The following ATG10 variants were observed in gnomAD, a reference collection of about 807,000 sequenced individuals.
The protein encoded by ATG10 is autophagy related 10.
Under a neutral mutation model 32.1 loss-of-function variants are expected in ATG10, and 30 were observed. The ratio of observed to expected loss-of-function variants is 0.94; its 90% CI spans 0.70 to 1.27. The LOEUF (loss-of-function observed/expected upper bound fraction) is 1.27. Ranked by LOEUF, ATG10 falls within the 50% of genes most tolerant of loss-of-function variation. The pLI is 0.00. For missense variants in ATG10, 233 were observed against 262.3 expected, an observed-to-expected ratio of 0.89 and a Z score of 0.77; for synonymous variants, 87 against 91.5, an observed-to-expected ratio of 0.95 and a Z score of 0.28.
At chr5:82,183,556 G>T (rs1025449263) in intron 5 of ATG10, among the ~76,000 whole-genome samples, 1 of 152,060 alleles carries the variant, frequency 6.6e-6, no homozygotes, top group South Asian at 2.1e-4. Context: ...GGGACATTAT[G>T]TCTGGTTATC....
intron 2 of ATG10, among the ~76,000 whole-genome samples, chr5:82,055,095 G>A (rs1011221468): frequency 2.6e-5 from 4 of 152,104 alleles, no homozygotes; most frequent in African/African-American, 9.7e-5. Context: ...TCCTTCAACA[G>A]TGAAGCACAA....
chr5:82,102,626 A>G (rs1240293159), intron 3 of ATG10, among the ~76,000 whole-genome samples: 2 of 152,216 alleles, frequency 1.3e-5, no homozygotes, highest in Non-Finnish European at 2.9e-5. Context: ...AACACTGTTG[A>G]GTTGGGCTCT....
chr5:82,136,434 C>A (rs1766753643), intron 3 of ATG10, among the ~76,000 whole-genome samples: 1 of 152,190 alleles, frequency 6.6e-6, no homozygotes, highest in Non-Finnish European at 1.5e-5. Flanking sequence ...GTGACAAAAT[C>A]TCTCAGCATT....
chr5:82,168,885 G>T (rs1439314060), intron 4 of ATG10, among the ~76,000 whole-genome samples: 2 of 152,132 alleles, frequency 1.3e-5, no homozygotes, highest in Admixed American at 6.6e-5. Flanking sequence ...GAGAATGACA[G>T]CAAAACAGGA....
intron 2 of ATG10, among the ~76,000 whole-genome samples, chr5:82,031,387 A>G (rs1237402373): frequency 1.3e-5 from 2 of 152,324 alleles, no homozygotes; most frequent in East Asian, 1.9e-4. Flanking sequence ...CACATAGGTT[A>G]TCAAGACCTT....
chr5:82,159,734 A>T (rs557715533), intron 3 of ATG10, among the ~76,000 whole-genome samples: 1 of 151,662 alleles, frequency 6.6e-6, no homozygotes, highest in African/African-American at 2.4e-5. Flanking sequence ...CAGACATTAG[A>T]CTCTCTTTAT....
Position 82,255,435 on chromosome 5 carries a change from G to A in ATG10, c.*1372G>A, listed in dbSNP as rs1747428414. ...CTTGTTTTGTTTTTTGCTTTCATTT[G>A]CTAGGAGCTGAAACGAAGATTAAAA... On this transcript the variant is annotated 3_prime_UTR_variant, in exon 8 of 8. Coordinates refer to ENST00000282185, the MANE Select transcript of ATG10 (RefSeq NM_031482.5). 6.6e-6 allele frequency: 1 copy of A among 151,572 alleles called. No individual in the cohort carries two copies. Among genetic ancestry groups the A allele is most frequent in the Non-Finnish European group, 1.5e-5 (1 of 67,940 alleles). 9.4% of individuals were successfully genotyped at this position (151,572 alleles called of 1,614,324 possible).
chr5:82,118,688 T>A (rs1011670606), intron 3 of ATG10, among the ~76,000 whole-genome samples: 3 of 151,932 alleles, frequency 2.0e-5, no homozygotes, highest in African/African-American at 7.3e-5. Flanking sequence ...AAAACAGTGA[T>A]CTTGTTTGGA....
intron 5 of ATG10, among the ~76,000 whole-genome samples, chr5:82,246,553 T>A (rs1445538131): frequency 1.3e-5 from 2 of 151,556 alleles, no homozygotes; most frequent in African/African-American, 4.8e-5. Flanking sequence ...GAAAAAAAAT[T>A]ATTTAAAAAA....
intron 3 of ATG10, among the ~76,000 whole-genome samples, chr5:82,145,859 A>G (rs983526839): frequency 3.9e-5 from 6 of 152,052 alleles, no homozygotes; most frequent in African/African-American, 1.4e-4. Context: ...GGCATGCACC[A>G]CCATGTCCGG....
intron 2 of ATG10, among the ~76,000 whole-genome samples, chr5:82,055,298 C>T (rs982112732): frequency 1.1e-4 from 16 of 151,652 alleles, no homozygotes; most frequent in African/African-American, 2.4e-4. Flanking sequence ...ACTTCCGTAT[C>T]GATAATAAAA....
chr5:81,999,740 G>A (rs192763167), intron 2 of ATG10, among the ~76,000 whole-genome samples: 39 of 151,838 alleles, frequency 2.6e-4, no homozygotes, highest in East Asian at 1.7e-3. Context: ...AAAAAATCCC[G>A]CAGACACTAC....
At chr5:81,998,567 T>A (rs2149680890) in intron 2 of ATG10, among the ~76,000 whole-genome samples, 1 of 152,308 alleles carries the variant, frequency 6.6e-6, no homozygotes, top group East Asian at 1.9e-4. Flanking sequence ...ACAGGCTAAA[T>A]GCCCCAATTA....
intron 3 of ATG10, among the ~76,000 whole-genome samples, chr5:82,089,761 A>G (rs556303634): frequency 2.0e-5 from 3 of 152,256 alleles, no homozygotes; most frequent in Admixed American, 6.5e-5. Context: ...AAATCCCTCA[A>G]ACTTAAAAAC....
intron 2 of ATG10, among the ~76,000 whole-genome samples, chr5:82,055,857 A>T (rs1016642779): frequency 1.3e-5 from 2 of 152,222 alleles, no homozygotes; most frequent in African/African-American, 2.4e-5. Flanking sequence ...AGATATGCTT[A>T]GATACACAAA....
chr5:82,143,016 A>G (rs1299305555), intron 3 of ATG10, among the ~76,000 whole-genome samples: 1 of 152,200 alleles, frequency 6.6e-6, no homozygotes, highest in African/African-American at 2.4e-5. Flanking sequence ...GCTAAAATTT[A>G]AATTGTCAGA....
intron 2 of ATG10, among the ~76,000 whole-genome samples, chr5:82,030,877 T>C (rs1466136932): frequency 6.6e-6 from 1 of 152,198 alleles, no homozygotes; most frequent in Non-Finnish European, 1.5e-5. Context: ...TAGTTGGATA[T>C]TTTTTAGCCT....
chr5:82,023,991 T>G (rs554291482), intron 2 of ATG10, among the ~76,000 whole-genome samples: 1 of 152,308 alleles, frequency 6.6e-6, no homozygotes, highest in Admixed American at 6.5e-5. Context: ...GCATGTGCAT[T>G]TAAATGGCTG....
chr5:82,195,512 T>C (rs961393157), intron 5 of ATG10, among the ~76,000 whole-genome samples: 2 of 152,144 alleles, frequency 1.3e-5, no homozygotes, highest in Non-Finnish European at 2.9e-5. Context: ...AAAGACTATG[T>C]TTATCACGAG....
Sources: allele counts gnomAD v4.1 joint callset (sites outside exome capture counted in the v4.1 genomes callset), GRCh38; gene constraint gnomAD v4.1.1; transcripts MANE v1.5; gene names NCBI Gene and HGNC (gene_info 2026-07-23, HGNC 2026-07-21).